Variants in NFKBID observed in about 807,000 individuals in gnomAD.
The protein encoded by NFKBID is NF-kappa-B inhibitor delta.
Under a neutral mutation model 53.4 loss-of-function variants are expected in NFKBID, and 26 were observed. The observed-to-expected ratio is 0.49, with a 90% CI of 0.36 to 0.68. The LOEUF (loss-of-function observed/expected upper bound fraction) is 0.68. NFKBID is among the 30% of genes least tolerant of loss of function. NFKBID has a pLI of 0.00. For missense variants in NFKBID, 493 were observed against 614.1 expected, an observed-to-expected ratio of 0.80 and a Z score of 2.08; for synonymous variants, 262 against 259.8, an observed-to-expected ratio of 1.01 and a Z score of -0.08.
intron 4 of NFKBID, 137 bp downstream of exon 4, chr19:35,897,514 G>A (rs1275942594): frequency 4.4e-6 from 3 of 688,120 alleles, no homozygotes; most frequent in Non-Finnish European, 8.0e-6. Flanking sequence ...AAAGTGCTGG[G>A]ATTACAGGTG....
In NFKBID at chr19:35,894,125, G is replaced by A. The variant is rs1211577024; in HGVS notation, c.1032+1855C>T. On this transcript the variant is annotated intron_variant, in intron 9 of 11. Coordinates refer to ENST00000641389, the Ensembl canonical transcript of NFKBID. ...TACAAAAAAATTAGCCAAGCGTGGT[G>A]GTGCATGCCTGTAGTCCCAGTTACT... is the stretch of plus-strand genomic sequence containing the variant. Among the ~76,000 whole-genome samples the A allele has an allele frequency of 2.0e-5, 3 of 151,668 alleles. No homozygotes were observed. The East Asian group carries it at 5.9e-4, about 30-fold the overall frequency.
At position 35,888,708 on chromosome 19, in the gene NFKBID, T is replaced by C. The variant is rs1599592790; in HGVS notation, c.1315-96A>G. ...AGAGGGAGGGGCTAGAGAAGAGAGG[T>C]TGAGTGGGTCCCTTTGGATTTGAAG... On this transcript the variant is annotated intron_variant, in intron 11 of 11. Coordinates refer to ENST00000641389, the Ensembl canonical transcript of NFKBID. 12 of 886,546 alleles carry C rather than the reference T, an allele frequency of 1.4e-5. No individual in the cohort carries two copies. The South Asian group carries it at 1.4e-4, about 11-fold the overall frequency. 54.9% of individuals were successfully genotyped at this position (886,546 alleles called of 1,614,324 possible).
chr19:35,901,172 G>A (rs573073791), upstream of NFKBID, among the ~76,000 whole-genome samples: 8 of 152,016 alleles, frequency 5.3e-5, no homozygotes, highest in East Asian at 1.6e-3. Flanking sequence ...GGGGGTGCTG[G>A]AGGCTTTGTC....
Position 35,896,683 on chromosome 19 carries a change from C to T in NFKBID, c.684+43G>A, listed in dbSNP as rs1247036491. ...ATCCAGGGGTCCAGGCCCCAGGCTC[C>T]TTCCTCCCCTGAACCCAGGAGAGTT... On this transcript the variant is annotated intron_variant, in intron 6 of 11. Transcript: ENST00000641389. This position sits in a 1 kb window ranked among gnomAD's most constrained non-coding sequence, Gnocchi z 5.7. 4 of 1,590,086 alleles carry T rather than the reference C, an allele frequency of 2.5e-6. No individual in the cohort carries two copies. Among genetic ancestry groups the T allele is most frequent in the Non-Finnish European group, 3.4e-6 (4 of 1,160,820 alleles).
upstream of NFKBID, chr19:35,901,896 C>G: frequency 2.3e-6 from 1 of 440,940 alleles, no homozygotes; most frequent in Non-Finnish European, 4.1e-6. Flanking sequence ...TCTCAGGGGT[C>G]CCCTCCCTCT....
At position 35,896,189 on chromosome 19, in the gene NFKBID, C is replaced by T; in HGVS notation, c.883+29G>A. 6.2e-7 allele frequency: 1 copy of T among 1,614,130 alleles called. No homozygotes were observed. The highest frequency in any genetic ancestry group is 8.5e-7 in the Non-Finnish European group (1 of 1,179,960). On this transcript the variant is annotated intron_variant, in intron 8 of 11. Transcript: ENST00000641389. The surrounding 1 kb of genome is among the most constrained non-coding windows in gnomAD (Gnocchi z 5.7). ...ACCCACCTCGCCCAGCCACACCAAC[C>T]ACACCAGCCCTGCCCACACCCAACT...
upstream of NFKBID, among the ~76,000 whole-genome samples, chr19:35,900,827 CTTT>C (rs60365058): frequency 5.9e-4 from 64 of 107,590 alleles, no homozygotes; most frequent in African/African-American, 2.2e-3. Flanking sequence ...TTTTTCTTTT[CTTT>C]TTTTTTTTTT....
chr19:35,893,636 C>T (rs1431106902), intron 9 of NFKBID, among the ~76,000 whole-genome samples: 4 of 151,588 alleles, frequency 2.6e-5, no homozygotes, highest in African/African-American at 2.4e-5. Flanking sequence ...CTGGCTAACA[C>T]GGTGAAACTG....
chr19:35,900,822 CTTTTCTT>C (rs1445092863), upstream of NFKBID, among the ~76,000 whole-genome samples: 3 of 121,920 alleles, frequency 2.5e-5, no homozygotes, highest in Non-Finnish European at 5.1e-5. Context: ...TCTTTTTTTT[CTTTTCTT>C]TTTTTTTTTT....
intron 2 of NFKBID, 87 bp from the exon 3 acceptor site, chr19:35,898,619 T>G (rs1411801497): frequency 8.5e-6 from 12 of 1,409,766 alleles, no homozygotes; most frequent in Non-Finnish European, 1.1e-5. Flanking sequence ...GACATTTCGG[T>G]CAGGACCACC....
rs201005044 is a variant in NFKBID, at chr19:35,896,754, C to T, written c.656G>A (p.Arg219His). Residue 219 changes from arginine to histidine, a missense_variant, in exon 6 of 12, where the codon CGT becomes CAT. Transcript: ENST00000641389. The surrounding 1 kb of genome is among the most constrained non-coding windows in gnomAD (Gnocchi z 5.7). ...GCCCTTATGCTCACGAATGTCAAGA[C>T]GCCGGTACACCTGGAGCACCTCAGC... 2.8e-5 allele frequency: 45 copies of T among 1,613,814 alleles called. No homozygotes were observed. The African/African-American group carries it at 4.1e-4, about 15-fold the overall frequency.
chr19:35,900,994 G>A (rs1210391207), upstream of NFKBID, among the ~76,000 whole-genome samples: 1 of 151,904 alleles, frequency 6.6e-6, no homozygotes, highest in Non-Finnish European at 1.5e-5. Flanking sequence ...CACCATGCCT[G>A]GCTAATTTTT....
At chr19:35,900,775 A>T, upstream of NFKBID, 1 of 411,758 alleles carries the variant, frequency 2.4e-6, no homozygotes, top group Non-Finnish European at 4.0e-6. Context: ...AAGAGGAGGG[A>T]GAAACCGGGG....
At chr19:35,889,274 T>C (rs1192546916) in intron 11 of NFKBID, among the ~76,000 whole-genome samples, 1 of 151,868 alleles carries the variant, frequency 6.6e-6, no homozygotes, top group East Asian at 1.9e-4. Flanking sequence ...GAGGATCCCT[T>C]GAGCCCAGGA....
chr19:35,889,233 G>A (rs1389899044), intron 11 of NFKBID, among the ~76,000 whole-genome samples: 1 of 150,728 alleles, frequency 6.6e-6, no homozygotes, highest in East Asian at 2.0e-4. Context: ...GTGACTGCCT[G>A]TAGTACCAGC....
At chr19:35,890,238 T>C in intron 10 of NFKBID, 136 bp downstream of exon 10, 1 of 847,894 alleles carries the variant, frequency 1.2e-6, no homozygotes. Context: ...GGGCAATCTG[T>C]GTCTGCTTCC....
intron 9 of NFKBID, among the ~76,000 whole-genome samples, chr19:35,892,424 C>A (rs112584199): frequency 0.013 from 2,011 of 151,802 alleles, 50 homozygotes; most frequent in African/African-American, 0.045. Context: ...ATAGCACATG[C>A]CTATAGTCCC....
At chr19:35,891,509 A>G (rs936573402) in intron 9 of NFKBID, among the ~76,000 whole-genome samples, 6 of 152,292 alleles carry the variant, frequency 3.9e-5, no homozygotes, top group Middle Eastern at 3.4e-3. Flanking sequence ...TACAGCCAGG[A>G]TATTTGGTAT....
rs1201660656 is a variant in NFKBID, at chr19:35,888,477, T to C, written c.*82A>G. ...GCAGGATATTCCACATACATTATCA[T>C]GGGTTTGCAACATTAGCATACGCTG... On this transcript the variant is annotated 3_prime_UTR_variant, in exon 12 of 12. Coordinates refer to ENST00000641389, the Ensembl canonical transcript of NFKBID. The C allele has an allele frequency of 1.1e-5, 11 of 978,484 alleles. 1 individual carries two copies. The highest frequency in any genetic ancestry group is 8.3e-5 in the South Asian group (6 of 72,288). 60.6% of individuals were successfully genotyped at this position (978,484 alleles called of 1,614,324 possible).
Sources: gnomAD v4.1 joint callset for allele counts (sites outside exome capture counted in the v4.1 genomes callset) on GRCh38, gnomAD v4.1.1 for gene constraint, Gnocchi (gnomAD v3.1) non-coding constraint, MANE v1.5 for transcripts, NCBI Gene and HGNC (gene_info 2026-07-23, HGNC 2026-07-21) for gene names.